The following CDK19 variants were observed in gnomAD, a reference collection of about 807,000 sequenced individuals.
CDK19 encodes cyclin-dependent kinase 19.
A neutral mutation model predicts 68.3 loss-of-function variants in CDK19; 20 were observed. That is an observed-to-expected ratio of 0.29 (90% CI 0.21 to 0.43). CDK19 has a LOEUF of 0.43. Ranked by LOEUF, CDK19 falls within the 20% of genes least tolerant of loss-of-function variation. The pLI, the probability that CDK19 is intolerant of heterozygous loss-of-function variation, is 1.00. For synonymous variants in CDK19, 221 were observed against 222.8 expected (o/e 0.99, Z 0.07); for missense variants, 339 against 623.5 (o/e 0.54, Z 4.86).
chr6:110,791,367 A>G (rs1781584849), intron 1 of CDK19, among the ~76,000 whole-genome samples: 2 of 152,136 alleles, frequency 1.3e-5, no homozygotes, highest in African/African-American at 2.4e-5. Context: ...ATAACTGCAT[A>G]TAATTAAAGA....
At chr6:110,706,085 T>C (rs941245008) in intron 2 of CDK19, among the ~76,000 whole-genome samples, 8 of 152,124 alleles carry the variant, frequency 5.3e-5, no homozygotes, top group Non-Finnish European at 1.0e-4. Context: ...GACGGAGTCT[T>C]GCTGTCGCCC....
intron 1 of CDK19, among the ~76,000 whole-genome samples, chr6:110,810,056 G>T (rs1300961755): frequency 6.6e-6 from 1 of 152,130 alleles, no homozygotes; most frequent in African/African-American, 2.4e-5. Context: ...TAAAGTGAAT[G>T]TAGAACAAAG....
intron 2 of CDK19, among the ~76,000 whole-genome samples, chr6:110,687,535 A>G (rs1444941520): frequency 6.6e-6 from 1 of 152,244 alleles, no homozygotes; most frequent in Non-Finnish European, 1.5e-5. Flanking sequence ...TATTGTTTCC[A>G]TTAAACAAAA....
intron 1 of CDK19, among the ~76,000 whole-genome samples, chr6:110,752,891 G>A (rs568138782): frequency 2.0e-5 from 3 of 151,754 alleles, no homozygotes; most frequent in African/African-American, 7.2e-5. Context: ...CAAACTGATT[G>A]ACTAGTTATC....
At chr6:110,769,072 T>C (rs1436051938) in intron 1 of CDK19, among the ~76,000 whole-genome samples, 1 of 146,648 alleles carries the variant, frequency 6.8e-6, no homozygotes, top group African/African-American at 2.6e-5. Flanking sequence ...GGAGAATTGC[T>C]TGAACCCTGG....
At chr6:110,808,676 T>C (rs935452672) in intron 1 of CDK19, among the ~76,000 whole-genome samples, 7 of 152,184 alleles carry the variant, frequency 4.6e-5, no homozygotes. Context: ...CATAAACAGA[T>C]GTCTACTTCA....
At position 110,814,912 on chromosome 6, in the gene CDK19, C is replaced by G. The variant is rs1165926722; in HGVS notation, c.128+97G>C. 5.2e-6 allele frequency: 8 copies of G among 1,535,462 alleles called. No individual in the cohort carries two copies. In the South Asian group the frequency reaches 8.0e-5, roughly 15 times the overall value. Reference sequence around the variant, plus strand: ...CCGCGACCCCCTCCGCCTCGCCCCTCGGGCACGGCCCGACTGGGATCCGAC... The same window carrying G: ...CCGCGACCCCCTCCGCCTCGCCCCTGGGGCACGGCCCGACTGGGATCCGAC... On this transcript the variant is annotated intron_variant, in intron 1 of 12. Coordinates refer to ENST00000368911, the MANE Select transcript of CDK19 (RefSeq NM_015076.5).
intron 2 of CDK19, among the ~76,000 whole-genome samples, chr6:110,734,716 C>A (rs1777104229): frequency 6.6e-6 from 1 of 152,074 alleles, no homozygotes; most frequent in African/African-American, 2.4e-5. Context: ...GGATGCTTCT[C>A]CAGCACACTG....
intron 2 of CDK19, among the ~76,000 whole-genome samples, chr6:110,698,589 A>G (rs1041565692): frequency 6.6e-6 from 1 of 152,218 alleles, no homozygotes; most frequent in East Asian, 1.9e-4. Flanking sequence ...TATGGAAAAC[A>G]GTATGGAAAA....
chr6:110,759,418 A>ATATATAT (rs1554219475), intron 1 of CDK19, among the ~76,000 whole-genome samples: 17 of 114,690 alleles, frequency 1.5e-4, no homozygotes, highest in African/African-American at 6.8e-4. Context: ...AAAAAAAAAA[A>ATATATAT]AAAAAAAAAA....
At position 110,627,685 on chromosome 6, in the gene CDK19, A is replaced by T. The variant is rs530714913; in HGVS notation, c.647-540T>A. 5.3e-5 allele frequency among the ~76,000 whole-genome samples: 8 copies of T among 152,212 alleles called. No homozygotes were observed. In the South Asian group the frequency reaches 1.7e-3, roughly 32 times the overall value. On this transcript the variant is annotated intron_variant, in intron 6 of 12. Transcript: ENST00000368911. ...GCTACTTGTACCTGGCTAATTTTTT[A>T]AAAAATTGTTTTGTAGAGACAAGGT...
chr6:110,774,372 T>C (rs1780249005), intron 1 of CDK19, among the ~76,000 whole-genome samples: 1 of 152,174 alleles, frequency 6.6e-6, no homozygotes, highest in Admixed American at 6.6e-5. Context: ...AGACACCCTA[T>C]ACACACTGTT....
Position 110,623,889 on chromosome 6 carries a change from ATGTG to A in CDK19, c.861-531_861-528del, listed in dbSNP as rs777870163. Among the ~76,000 whole-genome samples the A allele has an allele frequency of 6.3e-5, 3 of 47,710 alleles. No homozygotes were observed. In the Admixed American group the frequency reaches 6.9e-4, roughly 11 times the overall value. 31.3% of individuals were successfully genotyped at this position (47,710 alleles called of 152,430 possible). On this transcript the variant is annotated intron_variant, in intron 8 of 12. Coordinates refer to ENST00000368911, the MANE Select transcript of CDK19 (RefSeq NM_015076.5). ...ATATAGTATATATACGTATATATAT[ATGTG>A]TGTGTATATATATATACGTATATAT...
At chr6:110,679,333 C>A (rs372850923) in intron 2 of CDK19, among the ~76,000 whole-genome samples, 10 of 150,610 alleles carry the variant, frequency 6.6e-5, no homozygotes, top group East Asian at 5.8e-4. Flanking sequence ...AAAAAAAAGT[C>A]CAGGTACAGT....
intron 4 of CDK19, among the ~76,000 whole-genome samples, chr6:110,639,046 A>G (rs1018777478): frequency 6.6e-6 from 1 of 152,236 alleles, no homozygotes; most frequent in African/African-American, 2.4e-5. Context: ...GAAAAATTTT[A>G]TATAAAATTT....
intron 4 of CDK19, 81 bp from the exon 5 acceptor site, chr6:110,638,787 T>C: frequency 2.6e-6 from 2 of 776,166 alleles, no homozygotes; most frequent in Non-Finnish European, 4.4e-6. Flanking sequence ...TCTTATCATA[T>C]AAAAAATCAT....
chr6:110,787,964 T>C (rs1028254555), intron 1 of CDK19, among the ~76,000 whole-genome samples: 2 of 151,742 alleles, frequency 1.3e-5, no homozygotes, highest in Admixed American at 6.6e-5. Flanking sequence ...CTCAGCCTCC[T>C]GAGGAGCTGG....
intron 12 of CDK19, among the ~76,000 whole-genome samples, chr6:110,618,338 G>A (rs1041174926): frequency 9.2e-5 from 14 of 152,172 alleles, no homozygotes; most frequent in African/African-American, 3.1e-4. Flanking sequence ...TTGCCATGTT[G>A]GCCAGGATGG....
At chr6:110,733,707 G>A (rs117856028) in intron 2 of CDK19, among the ~76,000 whole-genome samples, 4,155 of 151,290 alleles carry the variant, frequency 0.027, 81 homozygotes, top group South Asian at 0.084. Flanking sequence ...TATATATATC[G>A]CTAAAACACA....
Sources: gnomAD v4.1 joint callset for allele counts (sites outside exome capture counted in the v4.1 genomes callset) on GRCh38, gnomAD v4.1.1 for gene constraint, MANE v1.5 for transcripts, NCBI Gene and HGNC (gene_info 2026-07-23, HGNC 2026-07-21) for gene names.